The following CAMSAP1 variants were observed in gnomAD, a reference collection of about 807,000 sequenced individuals.
CAMSAP1 encodes the protein calmodulin-regulated spectrin-associated protein 1.
Under a neutral mutation model 143.5 loss-of-function variants are expected in CAMSAP1, and 58 were observed. The observed-to-expected ratio is 0.40, with a 90% CI of 0.33 to 0.50. CAMSAP1 has a LOEUF of 0.50. CAMSAP1 is among the 20% of genes least tolerant of loss of function. The probability of loss-of-function intolerance (pLI) is 0.45; values close to 1 mark genes in which losing one functional copy is unlikely to be tolerated. For missense variants in CAMSAP1, 1,969 were observed against 2,115.7 expected, an observed-to-expected ratio of 0.93 and a Z score of 1.36; for synonymous variants, 945 against 859.3, an observed-to-expected ratio of 1.10 and a Z score of -1.74.
At chr9:135,860,797 C>A (rs1011620618) in intron 5 of CAMSAP1, among the ~76,000 whole-genome samples, 3 of 152,180 alleles carry the variant, frequency 2.0e-5, no homozygotes, top group South Asian at 4.2e-4. Context: ...GCTTTCCCTG[C>A]GTGGTTTCTG....
intron 7 of CAMSAP1, among the ~76,000 whole-genome samples, chr9:135,833,144 C>G (rs933647369): frequency 6.8e-6 from 1 of 147,772 alleles, no homozygotes; most frequent in Non-Finnish European, 1.5e-5. Flanking sequence ...TGCAGTGGCG[C>G]GATCTCGGCT....
At position 135,818,393 on chromosome 9, in the gene CAMSAP1, GC is replaced by G; in HGVS notation, c.4168+14del. 6.4e-7 allele frequency: 1 copy of G among 1,558,420 alleles called. No homozygotes were observed. The highest frequency in any genetic ancestry group is 8.6e-7 in the Non-Finnish European group (1 of 1,157,560). On this transcript the variant is annotated intron_variant, in intron 13 of 16. Coordinates refer to ENST00000389532, the MANE Select transcript of CAMSAP1 (RefSeq NM_015447.4). This position sits in a 1 kb window ranked among gnomAD's most constrained non-coding sequence, Gnocchi z 7.7. Reference sequence around the variant, plus strand: ...GGAAGGAAGCGCTGCCCGCGTGAGGGCCGGGGCTGCTTACGGGTGGAGGAGC... The same window carrying G: ...GGAAGGAAGCGCTGCCCGCGTGAGGGCGGGGCTGCTTACGGGTGGAGGAGC...
chr9:135,889,386 C>T (rs566941696), intron 1 of CAMSAP1, among the ~76,000 whole-genome samples: 1 of 152,198 alleles, frequency 6.6e-6, no homozygotes, highest in Admixed American at 6.5e-5. Flanking sequence ...ACAGGAAAAC[C>T]TGCAACTTCC....
intron 7 of CAMSAP1, among the ~76,000 whole-genome samples, chr9:135,838,761 C>T (rs555242213): frequency 4.0e-5 from 6 of 151,240 alleles, no homozygotes; most frequent in African/African-American, 1.2e-4. Flanking sequence ...TACAGACACA[C>T]GTCATCACGC....
rs1005384599 is a variant in CAMSAP1 at position 135,809,844 on chromosome 9, G to A, written c.*1465C>T. 5 of 152,506 alleles carry A rather than the reference G, an allele frequency of 3.3e-5. No homozygotes were observed. The highest frequency in any genetic ancestry group is 7.4e-5 in the Non-Finnish European group (5 of 68,026). 9.4% of individuals were successfully genotyped at this position (152,506 alleles called of 1,614,324 possible). A position where few individuals can be genotyped will look rare whatever the true frequency, so the allele number is the denominator to read the frequency against. On this transcript the variant is annotated 3_prime_UTR_variant, in exon 17 of 17. Coordinates refer to ENST00000389532, the MANE Select transcript of CAMSAP1 (RefSeq NM_015447.4). ...CTTCTCTTCAAAGGACTGAGGAAAG[G>A]GGAATAAGACCTATAATTCCTTCTA...
At chr9:135,828,437 G>C (rs1835750515) in intron 7 of CAMSAP1, among the ~76,000 whole-genome samples, 2 of 152,210 alleles carry the variant, frequency 1.3e-5, no homozygotes, top group Admixed American at 6.5e-5. Flanking sequence ...AGCAACATGT[G>C]ACCAAAAGCC....
At chr9:135,875,732 T>C (rs1333864640) in intron 3 of CAMSAP1, among the ~76,000 whole-genome samples, 1 of 152,114 alleles carries the variant, frequency 6.6e-6, no homozygotes, top group Non-Finnish European at 1.5e-5. Flanking sequence ...GCTATCTATA[T>C]GAAGAAAAAA....
intron 1 of CAMSAP1, among the ~76,000 whole-genome samples, chr9:135,901,295 A>G (rs992312444): frequency 2.0e-5 from 3 of 152,136 alleles, no homozygotes; most frequent in Non-Finnish European, 4.4e-5. Context: ...CTGCCGACAG[A>G]CAGGCAAGTC....
intron 1 of CAMSAP1, among the ~76,000 whole-genome samples, chr9:135,890,272 G>T (rs1838248667): frequency 6.6e-6 from 1 of 151,998 alleles, no homozygotes; most frequent in African/African-American, 2.4e-5. Context: ...ACACCTGCAG[G>T]AGGCTATACA....
At position 135,831,820 on chromosome 9, in the gene CAMSAP1, T is replaced by C. The variant is rs184703218; in HGVS notation, c.1046-4236A>G. 1.4e-3 allele frequency among the ~76,000 whole-genome samples: 218 copies of C among 152,224 alleles called. 1 individual carries two copies. The highest frequency in any genetic ancestry group is 4.8e-3 in the African/African-American group (200 of 41,550). On this transcript the variant is annotated intron_variant, in intron 7 of 16. Transcript: ENST00000389532. Reference sequence around the variant, plus strand: ...ATCACAAGGGCCTATTACAAACACTTATATGCCAACAAACTGAATAATGCA... The same window carrying C: ...ATCACAAGGGCCTATTACAAACACTCATATGCCAACAAACTGAATAATGCA...
intron 5 of CAMSAP1, among the ~76,000 whole-genome samples, chr9:135,852,075 C>T (rs968440661): frequency 1.8e-4 from 28 of 152,222 alleles, no homozygotes; most frequent in Non-Finnish European, 4.4e-5. Context: ...ACACCTCCTT[C>T]TCAAACAGCA....
At chr9:135,844,815 C>T (rs1328598958) in intron 7 of CAMSAP1, among the ~76,000 whole-genome samples, 1 of 152,066 alleles carries the variant, frequency 6.6e-6, no homozygotes, top group Non-Finnish European at 1.5e-5. Context: ...CAAGACTAAA[C>T]CAGGAAAAAG....
Position 135,827,453 on chromosome 9 carries a change from C to G in CAMSAP1, c.1177G>C (p.Glu393Gln), listed in dbSNP as rs1835714532. ...TGCAGGTAGTGCCTGTGACAGCCTTCCGCCGGCAGCTGCACGGGGGGCTGC... is the reference window on the plus strand; with the variant it reads ...TGCAGGTAGTGCCTGTGACAGCCTTGCGCCGGCAGCTGCACGGGGGGCTGC... ...ELQPPVQLPA[E>Q]GCHRHYLHPE... The change falls in exon 8 of 17, where the codon GAA (glutamate) becomes CAA (glutamine). Residue 393 changes from glutamate (E) to glutamine (Q), a missense_variant. Physicochemically the swap from Glu to Gln is conservative, Grantham distance 29 (BLOSUM62 2). Around this residue, in one of 4 missense-constraint regions of CAMSAP1, gnomAD observed 1,390 missense variants for 1,420.8 expected, o/e 0.98. Coordinates refer to ENST00000389532, the MANE Select transcript of CAMSAP1 (RefSeq NM_015447.4). The G allele has an allele frequency of 6.2e-7, 1 of 1,602,408 alleles. No homozygotes were observed. The highest frequency in any genetic ancestry group is 8.5e-7 in the Non-Finnish European group (1 of 1,171,548).
chr9:135,813,094 G>C (rs945305499), intron 16 of CAMSAP1, among the ~76,000 whole-genome samples: 3 of 152,240 alleles, frequency 2.0e-5, no homozygotes, highest in Admixed American at 2.0e-4. Context: ...ACACGCCTGG[G>C]AATGGGAGTG....
chr9:135,824,098 A>G lies in CAMSAP1; in HGVS notation c.1316-64T>C, dbSNP rs1399308939. The G allele has an allele frequency of 2.1e-6, 3 of 1,409,352 alleles. No homozygotes were observed. Among genetic ancestry groups the G allele is most frequent in the East Asian group, 2.5e-5 (1 of 40,242 alleles). The allele number at this position is 1,409,352 out of a possible 1,614,324, so 87.3% of individuals were successfully genotyped here. On this transcript the variant is annotated intron_variant, in intron 9 of 16. Transcript: ENST00000389532. The surrounding 1 kb of genome is among the most constrained non-coding windows in gnomAD (Gnocchi z 4.1). ...TTTTCTATCACTTGAAATTCTTTCAATATGACCATTTGTCCAGAAAAATGC... is the reference window on the plus strand; with the variant it reads ...TTTTCTATCACTTGAAATTCTTTCAGTATGACCATTTGTCCAGAAAAATGC...
intron 1 of CAMSAP1, among the ~76,000 whole-genome samples, chr9:135,891,409 T>A (rs1488679249): frequency 6.6e-6 from 1 of 152,198 alleles, no homozygotes; most frequent in Non-Finnish European, 1.5e-5. Context: ...TGTATGAGCC[T>A]GCAAGATCTG....
At position 135,862,519 on chromosome 9, in the gene CAMSAP1, A is replaced by G. The variant is rs1369962944; in HGVS notation, c.756T>C (p.Ala252=). Reference sequence around the variant, plus strand: ...AATAGTGAATCACAGCTAAGAGAGCAGCACCATCACTGCCGTCTCTCATCA... The same window carrying G: ...AATAGTGAATCACAGCTAAGAGAGCGGCACCATCACTGCCGTCTCTCATCA... ...EDLMRDGSDG[A]ALLAVIHYYC... The change falls in exon 5 of 17, where the codon GCT becomes GCC. Residue 252 remains alanine (A), a synonymous_variant. Transcript: ENST00000389532. 1 of 1,551,718 alleles carries G rather than the reference A, an allele frequency of 6.4e-7. No homozygotes were observed. The highest frequency in any genetic ancestry group is 2.0e-5 in the Admixed American group (1 of 51,004).
At chr9:135,881,025 G>T (rs1837929684) in intron 3 of CAMSAP1, among the ~76,000 whole-genome samples, 1 of 151,758 alleles carries the variant, frequency 6.6e-6, no homozygotes, top group South Asian at 2.1e-4. Flanking sequence ...ATTGCATATA[G>T]GTGCATACTA....
chr9:135,833,694 T>C (rs1835926502), intron 7 of CAMSAP1, among the ~76,000 whole-genome samples: 1 of 152,146 alleles, frequency 6.6e-6, no homozygotes, highest in Admixed American at 6.5e-5. Context: ...CTAAGACTAA[T>C]TAATTTAATT....
Sources: gnomAD v4.1 joint callset for allele counts (sites outside exome capture counted in the v4.1 genomes callset) on GRCh38, gnomAD v4.1.1 for gene constraint, gnomAD v4.1.1 regional missense constraint, Gnocchi (gnomAD v3.1) non-coding constraint, MANE v1.5 for transcripts, NCBI Gene and HGNC (gene_info 2026-07-23, HGNC 2026-07-21) for gene names.